The following ZNF236 variants were observed in gnomAD, a reference collection of about 807,000 sequenced individuals.
ZNF236 encodes the protein zinc finger protein 236.
In ZNF236, 50 loss-of-function variants were observed where a neutral mutation model predicts 191.2. That is an observed-to-expected ratio of 0.26 (90% CI 0.21 to 0.33). The LOEUF is 0.33. Ranked by LOEUF, ZNF236 falls within the 10% of genes least tolerant of loss-of-function variation. The probability of loss-of-function intolerance (pLI) is 1.00; values close to 1 mark genes in which losing one functional copy is unlikely to be tolerated. For missense variants in ZNF236, 1,754 were observed against 2,374.5 expected (o/e 0.74, Z 5.43); for synonymous variants, 907 against 928.8 (o/e 0.98, Z 0.43).
At chr18:76,906,753 ATGTAGAGCTTTGAG>A (rs1977755215) in intron 13 of ZNF236, among the ~76,000 whole-genome samples, 1 of 152,172 alleles carries the variant, frequency 6.6e-6, no homozygotes, top group African/African-American at 2.4e-5. Flanking sequence ...TAGGAGATGA[ATGTAGAGCTTTGAG>A]AGGACACTAA....
chr18:76,931,843 A>G (rs1385583629), intron 25 of ZNF236, among the ~76,000 whole-genome samples: 1 of 152,184 alleles, frequency 6.6e-6, no homozygotes, highest in Non-Finnish European at 1.5e-5. Flanking sequence ...GATTGCATTC[A>G]CTTCTTAGCC....
intron 27 of ZNF236, 87 bp from the exon 28 acceptor site, chr18:76,955,898 C>A: frequency 7.0e-7 from 1 of 1,424,638 alleles, no homozygotes; most frequent in East Asian, 2.4e-5. Context: ...TAGGAATGTC[C>A]CTCTTATCAC....
chr18:76,959,704 C>G lies in ZNF236; in HGVS notation c.5130C>G (p.His1710Gln). The G allele has an allele frequency of 6.2e-7, 1 of 1,613,120 alleles. No individual in the cohort carries two copies. Among genetic ancestry groups the G allele is most frequent in the Non-Finnish European group, 8.5e-7 (1 of 1,179,450 alleles). ...TCTCCCAGGAGCACATGCAGACACA[C>G]CAGGCCGGCCCCTCTTTGAGCTCCC... The part of the protein sequence containing the change: ...ATHLKEHMQT[H>Q]QAGPSLSSQK... Residue 1710 changes from histidine (H) to glutamine (Q), a missense_variant, in exon 29 of 31, where the codon CAC becomes CAG. Around this residue, in one of 5 missense-constraint regions of ZNF236, gnomAD observed 606 missense variants for 761.5 expected, o/e 0.80. Transcript: ENST00000320610.
rs1050864622 is a variant in ZNF236, at chr18:76,844,433, C to T, written c.56-5093C>T. ...GTTGTCTTAGAGGAATAGGGGGTGA[C>T]GGAGTAGGGTTCTGAGGGTGGTGCA... On this transcript the variant is annotated intron_variant, in intron 1 of 30. Coordinates refer to ENST00000320610, the MANE Select transcript of ZNF236 (RefSeq NM_001306089.2). 4.6e-5 allele frequency among the ~76,000 whole-genome samples: 7 copies of T among 151,816 alleles called. No individual in the cohort carries two copies. In the East Asian group the frequency reaches 5.8e-4, roughly 13 times the overall value.
rs1027700278 is a variant in ZNF236, at chr18:76,968,666, T to C, written c.*327T>C. 3.8e-6 allele frequency: 4 copies of C among 1,043,062 alleles called. No individual in the cohort carries two copies. The African/African-American group carries it at 6.8e-5, about 18-fold the overall frequency. The allele number at this position is 1,043,062 out of a possible 1,614,324, so 64.6% of individuals were successfully genotyped here. ...CTTACTATCATTGTAGTGTGATTTC[T>C]TTGTATTAGCAAAGACAAAAACGCT... is the stretch of plus-strand genomic sequence containing the variant. On this transcript the variant is annotated 3_prime_UTR_variant, in exon 31 of 31. Coordinates refer to ENST00000320610, the MANE Select transcript of ZNF236 (RefSeq NM_001306089.2).
intron 3 of ZNF236, among the ~76,000 whole-genome samples, chr18:76,852,847 G>C (rs1022057026): frequency 6.6e-6 from 1 of 152,104 alleles, no homozygotes; most frequent in African/African-American, 2.4e-5. Context: ...AGATGGTTTA[G>C]ACTTAATGTT....
intron 22 of ZNF236, among the ~76,000 whole-genome samples, chr18:76,926,541 CTG>C (rs1416537286): frequency 4.6e-5 from 7 of 150,698 alleles, no homozygotes; most frequent in Non-Finnish European, 1.0e-4. Context: ...GGTAATTAGA[CTG>C]TGTGTGTATA....
intron 19 of ZNF236, 102 bp downstream of exon 19, chr18:76,915,961 ATTAGT>A: frequency 9.5e-7 from 1 of 1,051,378 alleles, no homozygotes. Flanking sequence ...CTATATATAG[ATTAGT>A]TCAGTAGCAC....
At chr18:76,908,651 G>A in intron 14 of ZNF236, 78 bp downstream of exon 14, 3 of 1,518,312 alleles carry the variant, frequency 2.0e-6, no homozygotes, top group Non-Finnish European at 2.6e-6. Flanking sequence ...CAGTCCATTG[G>A]TGTCTCCCAT....
intron 30 of ZNF236, among the ~76,000 whole-genome samples, chr18:76,965,390 T>G (rs979671214): frequency 8.5e-5 from 13 of 152,216 alleles, no homozygotes; most frequent in African/African-American, 3.1e-4. Context: ...TTCAGGTAAA[T>G]CAGGGACTTC....
rs572277621 is a variant in ZNF236 at position 76,868,404 on chromosome 18, G to A, written c.364-281G>A. On this transcript the variant is annotated intron_variant, in intron 3 of 30. Coordinates refer to ENST00000320610, the MANE Select transcript of ZNF236 (RefSeq NM_001306089.2). The stretch of plus-strand genomic sequence containing the variant: ...CAGTGCCATTACCCAACACCACTTC[G>A]AAGCAGAACTCATTTTGCTCAAAAA... Among the ~76,000 whole-genome samples, 5 of 152,248 alleles carry A rather than the reference G, an allele frequency of 3.3e-5. No homozygotes were observed. In the East Asian group the frequency reaches 9.6e-4, roughly 29 times the overall value.
chr18:76,865,239 A>T (rs1032176290), intron 3 of ZNF236, among the ~76,000 whole-genome samples: 4 of 152,284 alleles, frequency 2.6e-5, no homozygotes, highest in East Asian at 1.9e-4. Context: ...TGGGAGGCTG[A>T]GGCAGGAGAA....
intron 1 of ZNF236, among the ~76,000 whole-genome samples, chr18:76,828,276 C>T (rs1452830901): frequency 1.3e-5 from 2 of 151,844 alleles, no homozygotes; most frequent in Non-Finnish European, 2.9e-5. Flanking sequence ...AAGTGATTCT[C>T]CCACCTCAGC....
intron 27 of ZNF236, among the ~76,000 whole-genome samples, chr18:76,948,955 TAGC>T (rs372659322): frequency 4.3e-4 from 65 of 152,242 alleles, no homozygotes; most frequent in African/African-American, 1.5e-3. Context: ...TACCTACTAA[TAGC>T]AGGATGTTCC....
At chr18:76,964,178 G>A (rs564819997) in intron 30 of ZNF236, among the ~76,000 whole-genome samples, 3 of 152,194 alleles carry the variant, frequency 2.0e-5, no homozygotes, top group African/African-American at 7.2e-5. Context: ...TGCTCTTTCA[G>A]GCTTGATGTA....
intron 25 of ZNF236, among the ~76,000 whole-genome samples, chr18:76,930,164 G>T (rs940645601): frequency 5.3e-5 from 8 of 152,162 alleles, no homozygotes; most frequent in African/African-American, 1.9e-4. Context: ...TTGAATATGG[G>T]TCTGCTCAGG....
At chr18:76,844,614 C>T (rs929987557) in intron 1 of ZNF236, among the ~76,000 whole-genome samples, 1 of 152,286 alleles carries the variant, frequency 6.6e-6, no homozygotes, top group East Asian at 1.9e-4. Flanking sequence ...ATATGAAATA[C>T]ATCATTAAGA....
At chr18:76,834,747 G>A (rs2122415296) in intron 1 of ZNF236, 2 of 452,960 alleles carry the variant, frequency 4.4e-6, no homozygotes, top group Non-Finnish European at 4.3e-6. Flanking sequence ...TTTCGGATGG[G>A]CATGGATCGA....
At chr18:76,864,918 C>T (rs1425328516) in intron 3 of ZNF236, among the ~76,000 whole-genome samples, 1 of 151,814 alleles carries the variant, frequency 6.6e-6, no homozygotes, top group East Asian at 1.9e-4. Flanking sequence ...CTAAGAAATT[C>T]TAAAAAGTAA....
Sources: gnomAD v4.1 joint callset for allele counts (sites outside exome capture counted in the v4.1 genomes callset) on GRCh38, gnomAD v4.1.1 for gene constraint, gnomAD v4.1.1 regional missense constraint, MANE v1.5 for transcripts, NCBI Gene and HGNC (gene_info 2026-07-23, HGNC 2026-07-21) for gene names.